The following NCAM2 variants were observed in gnomAD, a reference collection of about 807,000 sequenced individuals.
The protein encoded by NCAM2 is neural cell adhesion molecule 2.
Under a neutral mutation model 98.1 loss-of-function variants are expected in NCAM2, and 30 were observed. The ratio of observed to expected loss-of-function variants is 0.31; its 90% CI spans 0.23 to 0.41. The LOEUF (loss-of-function observed/expected upper bound fraction) is 0.41, where lower values mean the gene tolerates loss of function less well. Ranked by LOEUF, NCAM2 falls within the 10% of genes least tolerant of loss-of-function variation. The pLI is 1.00. For missense variants in NCAM2, 867 were observed against 1,005.8 expected, an observed-to-expected ratio of 0.86 and a Z score of 1.87; for synonymous variants, 368 against 342.4, an observed-to-expected ratio of 1.07 and a Z score of -0.83.
intron 1 of NCAM2, among the ~76,000 whole-genome samples, chr21:21,201,104 G>A (rs989605182): frequency 2.6e-5 from 4 of 151,992 alleles, no homozygotes; most frequent in Middle Eastern, 3.4e-3. Flanking sequence ...CCGTGTGTGC[G>A]GATTACTAAG....
At chr21:21,129,689 G>A (rs998608629) in intron 1 of NCAM2, among the ~76,000 whole-genome samples, 2 of 151,584 alleles carry the variant, frequency 1.3e-5, no homozygotes, top group Admixed American at 6.6e-5. Context: ...CTCTTTTGTC[G>A]CTGTTGCCAC....
intron 5 of NCAM2, among the ~76,000 whole-genome samples, chr21:21,302,309 G>T (rs1195415559): frequency 6.6e-6 from 1 of 151,950 alleles, no homozygotes; most frequent in Non-Finnish European, 1.5e-5. Flanking sequence ...GAAAGGTAAG[G>T]GTCCAGTTTC....
intron 1 of NCAM2, among the ~76,000 whole-genome samples, chr21:21,054,457 A>T (rs908547105): frequency 2.0e-5 from 3 of 152,038 alleles, no homozygotes; most frequent in Non-Finnish European, 2.9e-5. Flanking sequence ...TACTCCTTAC[A>T]TACTCAAATA....
intron 1 of NCAM2, among the ~76,000 whole-genome samples, chr21:21,211,182 C>T (rs1422288840): frequency 6.6e-6 from 1 of 152,160 alleles, no homozygotes; most frequent in Non-Finnish European, 1.5e-5. Flanking sequence ...AACACCATCT[C>T]CTCCCCGAAT....
At chr21:21,261,179 A>T (rs1374893692) in intron 1 of NCAM2, among the ~76,000 whole-genome samples, 2 of 152,184 alleles carry the variant, frequency 1.3e-5, no homozygotes, top group African/African-American at 4.8e-5. Flanking sequence ...TACACACAAC[A>T]TCAGCACAGC....
chr21:21,375,957 G>C (rs1408079746), intron 9 of NCAM2, among the ~76,000 whole-genome samples: 1 of 151,794 alleles, frequency 6.6e-6, no homozygotes, highest in Non-Finnish European at 1.5e-5. Flanking sequence ...CCTCAGAAAA[G>C]TGGAGTTTAT....
intron 8 of NCAM2, among the ~76,000 whole-genome samples, chr21:21,355,702 G>A (rs539800716): frequency 6.6e-6 from 1 of 151,724 alleles, no homozygotes; most frequent in Non-Finnish European, 1.5e-5. Flanking sequence ...TGCAACCTCT[G>A]CCTCCCGAGT....
intron 16 of NCAM2, 129 bp downstream of exon 16, chr21:21,509,184 C>T (rs1988201099): frequency 1.2e-5 from 9 of 743,490 alleles, no homozygotes; most frequent in Non-Finnish European, 1.7e-5. Flanking sequence ...TTGGACACTG[C>T]ACTGCCTGCT....
chr21:21,266,282 A>G (rs1373147112), intron 1 of NCAM2, among the ~76,000 whole-genome samples: 1 of 152,122 alleles, frequency 6.6e-6, no homozygotes, highest in Non-Finnish European at 1.5e-5. Flanking sequence ...CAACTACTGT[A>G]TTCCTAAATT....
chr21:21,287,365 A>T (rs182181252), intron 4 of NCAM2, among the ~76,000 whole-genome samples: 1 of 152,004 alleles, frequency 6.6e-6, no homozygotes, highest in Admixed American at 6.6e-5. Context: ...TAATTTTGAA[A>T]GAATTTTTCT....
chr21:21,134,920 A>G (rs1391835235), intron 1 of NCAM2, among the ~76,000 whole-genome samples: 2 of 151,820 alleles, frequency 1.3e-5, no homozygotes, highest in Admixed American at 6.6e-5. Context: ...TGGTCTCACT[A>G]TGTTATCCAG....
At chr21:21,517,466 C>G (rs1988774793) in intron 16 of NCAM2, among the ~76,000 whole-genome samples, 1 of 152,146 alleles carries the variant, frequency 6.6e-6, no homozygotes. Context: ...ATGCAAGGAA[C>G]TAGAGGGATA....
intron 12 of NCAM2, among the ~76,000 whole-genome samples, chr21:21,464,544 T>A (rs1333088203): frequency 6.6e-6 from 1 of 152,012 alleles, no homozygotes; most frequent in Non-Finnish European, 1.5e-5. Flanking sequence ...CCAAACAAAA[T>A]GCTAAATAAA....
chr21:21,220,842 A>G (rs2070117757), intron 1 of NCAM2, among the ~76,000 whole-genome samples: 1 of 152,216 alleles, frequency 6.6e-6, no homozygotes, highest in South Asian at 2.1e-4. Context: ...TGAGCTGATA[A>G]GATTGCCACA....
At chr21:21,301,245 T>C (rs1469245130) in intron 5 of NCAM2, among the ~76,000 whole-genome samples, 1 of 152,114 alleles carries the variant, frequency 6.6e-6, no homozygotes, top group Non-Finnish European at 1.5e-5. Context: ...TTTATTTGGG[T>C]CCAACTTGTC....
intron 5 of NCAM2, among the ~76,000 whole-genome samples, chr21:21,298,223 A>G (rs1367163346): frequency 6.6e-6 from 1 of 151,782 alleles, no homozygotes; most frequent in Non-Finnish European, 1.5e-5. Flanking sequence ...AGTGTTTTAG[A>G]ATGTAAAGCA....
In NCAM2 at chr21:21,033,927, T is replaced by A. The variant is rs566504918; in HGVS notation, c.55+35309T>A. Reference sequence around the variant, plus strand: ...AGTATGTCAAAGTAATATATTTTGGTTTTTTTGTTTGTTTTCTTTAGTCCC... The same window carrying A: ...AGTATGTCAAAGTAATATATTTTGGATTTTTTGTTTGTTTTCTTTAGTCCC... On this transcript the variant is annotated intron_variant, in intron 1 of 17. Coordinates refer to ENST00000400546, the MANE Select transcript of NCAM2 (RefSeq NM_004540.5). 6.2e-4 allele frequency among the ~76,000 whole-genome samples: 94 copies of A among 152,168 alleles called. No homozygotes were observed. The Middle Eastern group carries it at 0.01, about 17-fold the overall frequency.
chr21:21,411,081 T>TATGTATATATATACATATATATAC (rs2076860252), intron 10 of NCAM2, among the ~76,000 whole-genome samples: 1 of 11,998 alleles, frequency 8.3e-5, no homozygotes, highest in African/African-American at 2.4e-4. Flanking sequence ...CACACACATA[T>TATGTATATATATACATATATATAC]ATATATGTGT....
At chr21:21,181,741 C>G (rs1013978684) in intron 1 of NCAM2, among the ~76,000 whole-genome samples, 11 of 152,022 alleles carry the variant, frequency 7.2e-5, no homozygotes, top group Admixed American at 3.3e-4. Flanking sequence ...GTGACCGTTC[C>G]TTTAGTCCTT....
Sources: allele counts gnomAD v4.1 joint callset (sites outside exome capture counted in the v4.1 genomes callset), GRCh38; gene constraint gnomAD v4.1.1; transcripts MANE v1.5; gene names NCBI Gene and HGNC (gene_info 2026-07-23, HGNC 2026-07-21).